The following ARHGEF28 variants were observed in gnomAD, a reference collection of about 807,000 sequenced individuals.
ARHGEF28 encodes the protein Rho guanine nucleotide exchange factor 28.
A neutral mutation model predicts 206.6 loss-of-function variants in ARHGEF28; 152 were observed. The observed-to-expected ratio is 0.74, with a 90% CI of 0.64 to 0.84. The LOEUF is 0.84. ARHGEF28 is among the 40% of genes least tolerant of loss of function. The pLI, the probability that ARHGEF28 is intolerant of heterozygous loss-of-function variation, is 0.00. For missense variants in ARHGEF28, 2,028 were observed against 2,073.2 expected, an observed-to-expected ratio of 0.98 and a Z score of 0.42; for synonymous variants, 763 against 776.4, an observed-to-expected ratio of 0.98 and a Z score of 0.29.
intron 9 of ARHGEF28, among the ~76,000 whole-genome samples, chr5:73,821,624 T>C (rs1447899266): frequency 6.6e-6 from 1 of 152,152 alleles, no homozygotes; most frequent in Non-Finnish European, 1.5e-5. Flanking sequence ...CTTGTCAGAG[T>C]CCGCCGCTTC....
chr5:73,836,347 A>G (rs1400134415), intron 10 of ARHGEF28, among the ~76,000 whole-genome samples: 1 of 146,082 alleles, frequency 6.8e-6, no homozygotes, highest in Non-Finnish European at 1.5e-5. Flanking sequence ...CCATTCTAAC[A>G]GGTGTGAGGT....
intron 9 of ARHGEF28, among the ~76,000 whole-genome samples, chr5:73,818,944 C>T (rs6860016): frequency 0.18 from 27,239 of 151,962 alleles, 2,813 homozygotes; most frequent in African/African-American, 0.27. Context: ...ACATTAATTA[C>T]GTAAGGTAGA....
intron 2 of ARHGEF28, among the ~76,000 whole-genome samples, chr5:73,713,022 C>T (rs1012425584): frequency 2.0e-5 from 3 of 151,972 alleles, no homozygotes; most frequent in East Asian, 1.9e-4. Flanking sequence ...ATTTTCTTTC[C>T]CTTTCTCTTG....
chr5:73,657,758 G>GC lies in ARHGEF28; in HGVS notation c.-11-27083_-11-27082insC. 2.0e-5 allele frequency among the ~76,000 whole-genome samples: 3 copies of GC among 152,188 alleles called. No homozygotes were observed. In the South Asian group the frequency reaches 6.2e-4, roughly 32 times the overall value. On this transcript the variant is annotated intron_variant, in intron 1 of 35. Transcript: ENST00000513042. The stretch of plus-strand genomic sequence containing the variant: ...TAGGCTGAGACCAGAAACATTTCTT[G>GC]TTTTTTCCTTTGGCTACTGGTCATA...
chr5:73,800,680 A>G (rs989797556), intron 9 of ARHGEF28, among the ~76,000 whole-genome samples: 1 of 152,196 alleles, frequency 6.6e-6, no homozygotes, highest in African/African-American at 2.4e-5. Context: ...TCTAGAGGCC[A>G]GTTGGGAAAA....
At chr5:73,656,916 A>G (rs1580448102) in intron 1 of ARHGEF28, among the ~76,000 whole-genome samples, 1 of 152,214 alleles carries the variant, frequency 6.6e-6, no homozygotes, top group South Asian at 2.1e-4. Flanking sequence ...CATGCCTGTA[A>G]TCTTAGCACT....
intron 25 of ARHGEF28, chr5:73,887,375 A>T (rs149284322): frequency 2.8e-6 from 1 of 360,782 alleles, no homozygotes; most frequent in East Asian, 4.2e-5. Context: ...GAAAGTGACT[A>T]CATTAAACTT....
At chr5:73,761,371 A>C (rs934040759) in intron 4 of ARHGEF28, among the ~76,000 whole-genome samples, 1 of 152,196 alleles carries the variant, frequency 6.6e-6, no homozygotes, top group African/African-American at 2.4e-5. Flanking sequence ...TGGTTTGTAG[A>C]TAAAACATTG....
chr5:73,642,477 G>A (rs958070946), intron 1 of ARHGEF28, among the ~76,000 whole-genome samples: 5 of 152,232 alleles, frequency 3.3e-5, no homozygotes, highest in African/African-American at 9.6e-5. Flanking sequence ...CTGACCTCTC[G>A]ATACCTGTGC....
intron 4 of ARHGEF28, among the ~76,000 whole-genome samples, chr5:73,772,376 C>T (rs1753268760): frequency 6.6e-6 from 1 of 151,948 alleles, no homozygotes; most frequent in Non-Finnish European, 1.5e-5. Flanking sequence ...TGAAGTTTGG[C>T]TTAATGAGGG....
intron 9 of ARHGEF28, among the ~76,000 whole-genome samples, chr5:73,825,857 G>A (rs1007582151): frequency 2.0e-5 from 3 of 152,130 alleles, no homozygotes; most frequent in Non-Finnish European, 4.4e-5. Flanking sequence ...ATGACTGCTA[G>A]AACAACTAGG....
intron 9 of ARHGEF28, among the ~76,000 whole-genome samples, chr5:73,810,559 T>A (rs1051973925): frequency 6.6e-6 from 1 of 152,026 alleles, no homozygotes; most frequent in Non-Finnish European, 1.5e-5. Context: ...TGATGTGGGG[T>A]TTATCTACCT....
At chr5:73,904,145 A>G in intron 31 of ARHGEF28, 77 bp from the exon 32 acceptor site, 1 of 1,416,958 alleles carries the variant, frequency 7.1e-7, no homozygotes, top group Admixed American at 1.7e-5. Flanking sequence ...ACCCAAGGTC[A>G]TACATTTTGG....
chr5:73,719,690 A>G (rs1348474409), intron 2 of ARHGEF28, among the ~76,000 whole-genome samples: 1 of 152,252 alleles, frequency 6.6e-6, no homozygotes, highest in Non-Finnish European at 1.5e-5. Context: ...GATTTTTCAA[A>G]TGTGTTATAG....
At chr5:73,684,763 T>C (rs1410053527) in intron 1 of ARHGEF28, 78 bp from the exon 2 acceptor site, 1 of 1,285,362 alleles carries the variant, frequency 7.8e-7, no homozygotes, top group African/African-American at 1.5e-5. Context: ...TCCACAATAT[T>C]GATAACTGGA....
At chr5:73,801,252 C>G (rs1274310899) in intron 9 of ARHGEF28, among the ~76,000 whole-genome samples, 1 of 152,032 alleles carries the variant, frequency 6.6e-6, no homozygotes, top group East Asian at 1.9e-4. Flanking sequence ...CGAGACCATC[C>G]TGGCTAACAT....
intron 2 of ARHGEF28, among the ~76,000 whole-genome samples, chr5:73,717,799 G>T (rs927124702): frequency 2.6e-5 from 4 of 152,104 alleles, no homozygotes; most frequent in Non-Finnish European, 5.9e-5. Context: ...ATCAATCAGA[G>T]CAATAATGAA....
intron 1 of ARHGEF28, among the ~76,000 whole-genome samples, chr5:73,671,626 A>G (rs948901724): frequency 6.7e-6 from 1 of 148,868 alleles, no homozygotes; most frequent in Non-Finnish European, 1.5e-5. Flanking sequence ...GTGAGAAACA[A>G]TACAGCGATA....
At chr5:73,626,692 G>A (rs1743034341) in intron 1 of ARHGEF28, among the ~76,000 whole-genome samples, 1 of 152,186 alleles carries the variant, frequency 6.6e-6, no homozygotes, top group Non-Finnish European at 1.5e-5. Flanking sequence ...AACGTCGAGA[G>A]TTGGTGTCCG....
Sources: gnomAD v4.1 joint callset for allele counts (sites outside exome capture counted in the v4.1 genomes callset) on GRCh38, gnomAD v4.1.1 for gene constraint, MANE v1.5 for transcripts, NCBI Gene and HGNC (gene_info 2026-07-23, HGNC 2026-07-21) for gene names.